Variants in GSDME observed in about 807,000 individuals in gnomAD.
GSDME encodes the protein gasdermin E.
Under a neutral mutation model 47.5 loss-of-function variants are expected in GSDME, and 44 were observed. The observed-to-expected ratio is 0.93, with a 90% confidence interval of 0.73 to 1.19. The LOEUF is 1.19. Among genes scored for constraint, GSDME ranks in the 50% most tolerant of loss-of-function variants. GSDME has a pLI of 0.00. For synonymous variants in GSDME, 258 were observed against 252.8 expected (o/e 1.02, Z -0.20); for missense variants, 663 against 604.2 (o/e 1.10, Z -1.02).
rs1790602844 is a variant in GSDME at position 24,744,875 on chromosome 7, G to A, written c.212-121C>T. ...AAAGCAGAAGGCTGGCACTCAGATG[G>A]AAAGCCGGCAGCCATGCTGTGTGTG... On this transcript the variant is annotated intron_variant, in intron 2 of 9. Transcript: ENST00000645220. The surrounding 1 kb of genome is among the most constrained non-coding windows in gnomAD (Gnocchi z 4.5). 5 of 1,037,268 alleles carry A rather than the reference G, an allele frequency of 4.8e-6. No individual in the cohort carries two copies. The highest frequency in any genetic ancestry group is 7.2e-6 in the Non-Finnish European group (5 of 689,996). 64.3% of individuals were successfully genotyped at this position (1,037,268 alleles called of 1,614,324 possible).
intron 4 of GSDME, among the ~76,000 whole-genome samples, chr7:24,717,840 CAG>C (rs918912972): frequency 1.3e-5 from 2 of 152,114 alleles, no homozygotes; most frequent in Non-Finnish European, 2.9e-5. Context: ...AAACCAGGAA[CAG>C]AGAGGGAAGT....
chr7:24,734,644 A>G (rs1323049805), intron 3 of GSDME, among the ~76,000 whole-genome samples: 2 of 152,282 alleles, frequency 1.3e-5, no homozygotes, highest in African/African-American at 2.4e-5. Flanking sequence ...GAAAAACACA[A>G]TTGACATACT....
rs1789072995 is a variant in GSDME, at chr7:24,705,824, G to A, written c.1183+360C>T. 10 of 375,322 alleles carry A rather than the reference G, an allele frequency of 2.7e-5. No individual in the cohort carries two copies. The highest frequency in any genetic ancestry group is 2.3e-4 in the South Asian group (10 of 44,272). The allele number at this position is 375,322 out of a possible 1,614,324, so 23.2% of individuals were successfully genotyped here. ...ACTGAAATGCTGGAGGAGAGCAGTT[G>A]GCAAATGAAAGTTGCTGCCACTCAG... On this transcript the variant is annotated intron_variant, in intron 8 of 9. Transcript: ENST00000645220. This position sits in a 1 kb window ranked among gnomAD's most constrained non-coding sequence, Gnocchi z 4.1.
the GSDME span, among the ~76,000 whole-genome samples, chr7:24,784,991 CA>C: frequency 6.6e-6 from 1 of 152,182 alleles, no homozygotes; most frequent in Non-Finnish European, 1.5e-5. Flanking sequence ...CAGCCAGGGA[CA>C]ATACTTTGCA....
In GSDME at chr7:24,732,750, T is replaced by C. The variant is rs996671517; in HGVS notation, c.404+11812A>G. 1.2e-4 allele frequency among the ~76,000 whole-genome samples: 19 copies of C among 152,146 alleles called. No homozygotes were observed. Among genetic ancestry groups the C allele is most frequent in the African/African-American group, 4.3e-4 (18 of 41,428 alleles). Reference sequence around the variant, plus strand: ...GCCCTAGCCAGAGGAGAATCACCCATCCCAGTGGTCAGAACCTGAGTTTTG... The same window carrying C: ...GCCCTAGCCAGAGGAGAATCACCCACCCCAGTGGTCAGAACCTGAGTTTTG... On this transcript the variant is annotated intron_variant, in intron 3 of 9. Coordinates refer to ENST00000645220, the MANE Select transcript of GSDME (RefSeq NM_001127453.2). This position sits in a 1 kb window ranked among gnomAD's most constrained non-coding sequence, Gnocchi z 4.8.
At chr7:24,774,840 T>A in the GSDME span, among the ~76,000 whole-genome samples, 1 of 152,134 alleles carries the variant, frequency 6.6e-6, no homozygotes, top group Non-Finnish European at 1.5e-5. Flanking sequence ...CATAACACTT[T>A]CCTTTCTTTA....
intron 6 of GSDME, among the ~76,000 whole-genome samples, chr7:24,709,008 G>A (rs1436409467): frequency 6.6e-6 from 1 of 152,162 alleles, no homozygotes; most frequent in Non-Finnish European, 1.5e-5. Flanking sequence ...CGTATGCAGG[G>A]ATGCACACTA....
chr7:24,763,098 C>T, the GSDME span, among the ~76,000 whole-genome samples: 2 of 152,206 alleles, frequency 1.3e-5, no homozygotes, highest in Non-Finnish European at 1.5e-5. The surrounding 1 kb of genome is among the most constrained non-coding windows in gnomAD (Gnocchi z 4.3). Flanking sequence ...AACTGGAACA[C>T]GTTTCTGCTC....
rs921926174 is a variant in GSDME, at chr7:24,732,306, G to A, written c.404+12256C>T. Reference sequence around the variant, plus strand: ...CCAGTTCAAACTTTGTTTTTTCCAAGAAAGACATGGCTCCTCAAATCTTTC... The same window carrying A: ...CCAGTTCAAACTTTGTTTTTTCCAAAAAAGACATGGCTCCTCAAATCTTTC... On this transcript the variant is annotated intron_variant, in intron 3 of 9. Coordinates refer to ENST00000645220, the MANE Select transcript of GSDME (RefSeq NM_001127453.2). This position sits in a 1 kb window ranked among gnomAD's most constrained non-coding sequence, Gnocchi z 4.8. 3.4e-4 allele frequency among the ~76,000 whole-genome samples: 51 copies of A among 152,150 alleles called. No individual in the cohort carries two copies. The highest frequency in any genetic ancestry group is 1.2e-3 in the African/African-American group (50 of 41,446).
At chr7:24,762,509 C>T (rs554633437), upstream of GSDME, among the ~76,000 whole-genome samples, 86 of 152,086 alleles carry the variant, frequency 5.7e-4, no homozygotes, top group African/African-American at 1.9e-3. Flanking sequence ...GTGAGCTATA[C>T]CCAGCATAGA....
chr7:24,756,165 A>G lies in GSDME; in HGVS notation c.-20+1231T>C, dbSNP rs116516349. Among the ~76,000 whole-genome samples the G allele has an allele frequency of 6.5e-3, 997 of 152,314 alleles. 10 individuals carry two copies. The highest frequency in any genetic ancestry group is 0.023 in the African/African-American group (954 of 41,564). On this transcript the variant is annotated intron_variant, in intron 1 of 9. Coordinates refer to ENST00000645220, the MANE Select transcript of GSDME (RefSeq NM_001127453.2). This position sits in a 1 kb window ranked among gnomAD's most constrained non-coding sequence, Gnocchi z 4.2. Reference sequence around the variant, plus strand: ...AAAGGAGAAGGAGAGTGAGGCGCCAAAGGCTTTGGGGAAGTGGAGTGGGTA... The same window carrying G: ...AAAGGAGAAGGAGAGTGAGGCGCCAGAGGCTTTGGGGAAGTGGAGTGGGTA...
At chr7:24,701,943 TC>T (rs1788885823) in intron 9 of GSDME, among the ~76,000 whole-genome samples, 1 of 152,234 alleles carries the variant, frequency 6.6e-6, no homozygotes, top group Non-Finnish European at 1.5e-5. Context: ...CAGGGTCCTG[TC>T]TAGGCAGTCT....
At chr7:24,719,526 C>G (rs1396081525) in intron 3 of GSDME, among the ~76,000 whole-genome samples, 1 of 152,152 alleles carries the variant, frequency 6.6e-6, no homozygotes, top group African/African-American at 2.4e-5. Flanking sequence ...GGCGTGGTGG[C>G]TCACACCTGT....
rs1213799499 is a variant in GSDME, at chr7:24,739,511, G to T, written c.404+5051C>A. 6.6e-6 allele frequency among the ~76,000 whole-genome samples: 1 copy of T among 152,072 alleles called. No individual in the cohort carries two copies. The highest frequency in any genetic ancestry group is 2.4e-5 in the African/African-American group (1 of 41,408). On this transcript the variant is annotated intron_variant, in intron 3 of 9. Transcript: ENST00000645220. This position sits in a 1 kb window ranked among gnomAD's most constrained non-coding sequence, Gnocchi z 5.1. The stretch of plus-strand genomic sequence containing the variant: ...ATAAGAATGTGGAAAAAAAGGGAAT[G>T]CCTGTACACTGTTGGTGGGAATGTA...
In GSDME at chr7:24,717,267, C is replaced by A; in HGVS notation, c.684G>T (p.Leu228=). ...AYGVIELYVK[L]DGQFEFCLLR... Reference sequence around the variant, plus strand: ...GGTGGCACTCACCGAACTGGCCGTCCAGTTTCACGTATAACTCAATGACAC... The same window carrying A: ...GGTGGCACTCACCGAACTGGCCGTCAAGTTTCACGTATAACTCAATGACAC... Residue 228 remains leucine, a synonymous_variant, in exon 5 of 10, where the codon CTG becomes CTT. Transcript: ENST00000645220. The A allele has an allele frequency of 6.3e-7, 1 of 1,589,436 alleles. No individual in the cohort carries two copies. The highest frequency in any genetic ancestry group is 2.3e-5 in the East Asian group (1 of 43,410).
intron 3 of GSDME, among the ~76,000 whole-genome samples, chr7:24,723,133 AC>A (rs1485104441): frequency 1.3e-5 from 2 of 151,326 alleles, no homozygotes; most frequent in African/African-American, 2.4e-5. Flanking sequence ...CAGTGCTGCC[AC>A]CTTTTGGAAA....
At position 24,702,776 on chromosome 7, in the gene GSDME, G is replaced by A. The variant is rs981315836; in HGVS notation, c.1241C>T (p.Pro414Leu). 2 of 1,613,286 alleles carry A rather than the reference G, an allele frequency of 1.2e-6. No homozygotes were observed. Among genetic ancestry groups the A allele is most frequent in the Admixed American group, 1.7e-5 (1 of 59,980 alleles). Residue 414 changes from proline (P) to leucine (L), a missense_variant, in exon 9 of 10, where the codon CCC becomes CTC. Pro to Leu is a moderately conservative substitution (Grantham distance 98). Coordinates refer to ENST00000645220, the MANE Select transcript of GSDME (RefSeq NM_001127453.2). The part of the protein sequence containing the change: ...LGTCCKLQII[P>L]TLCHLLRALS... Reference sequence around the variant, plus strand: ...GTTGCTTACCAAGTGGCACAGTGTGGGAATGATCTGGAGTTTGCAGCAAGT... The same window carrying A: ...GTTGCTTACCAAGTGGCACAGTGTGAGAATGATCTGGAGTTTGCAGCAAGT...
intron 7 of GSDME, chr7:24,707,722 C>A (rs929136611): frequency 4.9e-6 from 2 of 411,292 alleles, no homozygotes; most frequent in Non-Finnish European, 8.8e-6. Context: ...CACATGGAGA[C>A]AGAGCAGAGG....
the GSDME span, among the ~76,000 whole-genome samples, chr7:24,762,979 C>A: frequency 6.6e-6 from 1 of 152,170 alleles, no homozygotes; most frequent in Admixed American, 6.5e-5. Context: ...AACCCGGAGA[C>A]TCCCTCATGG....
Sources: allele counts gnomAD v4.1 joint callset (sites outside exome capture counted in the v4.1 genomes callset), GRCh38; gene constraint gnomAD v4.1.1; non-coding constraint Gnocchi (gnomAD v3.1); transcripts MANE v1.5; gene names NCBI Gene and HGNC (gene_info 2026-07-23, HGNC 2026-07-21).